Variants in PLEKHA6 observed in about 807,000 individuals in gnomAD.
PLEKHA6 encodes the protein pleckstrin homology domain containing A6.
In PLEKHA6, 60 loss-of-function variants were observed where a neutral mutation model predicts 116.7. The ratio of observed to expected loss-of-function variants is 0.51; its 90% CI spans 0.42 to 0.64. The LOEUF (loss-of-function observed/expected upper bound fraction) is 0.64. PLEKHA6 is among the 30% of genes least tolerant of loss of function. PLEKHA6 has a pLI of 0.00. For missense variants in PLEKHA6, 1,338 were observed against 1,422.7 expected, an observed-to-expected ratio of 0.94 and a Z score of 0.96; for synonymous variants, 489 against 556.1, an observed-to-expected ratio of 0.88 and a Z score of 1.70.
chr1:204,276,428 G>A lies in PLEKHA6; in HGVS notation c.-94-1619C>T, dbSNP rs143888197. ...TTGCAAGGAAGGGCAACTGTTTCCC[G>A]TTACTCTTGTCTGCCCCTAAATCTG... On this transcript the variant is annotated intron_variant, in intron 1 of 22. Transcript: ENST00000272203. Among the ~76,000 whole-genome samples, 11 of 152,244 alleles carry A rather than the reference G, an allele frequency of 7.2e-5. No homozygotes were observed. In the East Asian group the frequency reaches 1.9e-3, roughly 27 times the overall value.
intron 1 of PLEKHA6, among the ~76,000 whole-genome samples, chr1:204,303,806 T>A (rs1190302129): frequency 2.0e-5 from 3 of 152,164 alleles, no homozygotes; most frequent in African/African-American, 7.2e-5. Context: ...CTCTGCCTCC[T>A]TGGCTCAAGC....
chr1:204,274,832 G>A (rs940218437), intron 1 of PLEKHA6, 23 bp from the exon 2 acceptor site: 1 of 985,804 alleles, frequency 1.0e-6, no homozygotes, highest in African/African-American at 1.7e-5. Flanking sequence ...AAACAGAAGA[G>A]TTGTGGTAAA....
chr1:204,353,423 T>C lies in PLEKHA6; in HGVS notation c.-95+6271A>G, dbSNP rs555631166. On this transcript the variant is annotated intron_variant, in intron 1 of 22. Transcript: ENST00000272203. ...ACCAACATTTGTTGAGCACCTACTA[T>C]GTGCTAAGTACTGCCCTGTAATCAC... 2.5e-3 allele frequency among the ~76,000 whole-genome samples: 379 copies of C among 152,298 alleles called. 5 individuals carry two copies. The highest frequency in any genetic ancestry group is 8.8e-3 in the African/African-American group (364 of 41,554).
chr1:204,322,266 A>G (rs1013125945), intron 1 of PLEKHA6, among the ~76,000 whole-genome samples: 3 of 152,104 alleles, frequency 2.0e-5, no homozygotes, highest in African/African-American at 7.2e-5. Context: ...CCAATTTAAC[A>G]CACTAACAAT....
Position 204,257,908 on chromosome 1 carries a change from C to T in PLEKHA6, c.1008-39G>A, listed in dbSNP as rs368608904. On this transcript the variant is annotated intron_variant, in intron 8 of 22. Coordinates refer to ENST00000272203, the MANE Select transcript of PLEKHA6 (RefSeq NM_014935.5). This position sits in a 1 kb window ranked among gnomAD's most constrained non-coding sequence, Gnocchi z 6.5. Reference sequence around the variant, plus strand: ...GACATTGTAATGAAGGCAGACAACACGGGCACCCCTCCACCCACCCCAGCC... The same window carrying T: ...GACATTGTAATGAAGGCAGACAACATGGGCACCCCTCCACCCACCCCAGCC... 2.5e-5 allele frequency: 39 copies of T among 1,561,578 alleles called. No homozygotes were observed. Among genetic ancestry groups the T allele is most frequent in the African/African-American group, 2.2e-4 (16 of 74,044 alleles).
At chr1:204,243,615 T>G (rs1428416089) in intron 15 of PLEKHA6, among the ~76,000 whole-genome samples, 1 of 152,110 alleles carries the variant, frequency 6.6e-6, no homozygotes, top group African/African-American at 2.4e-5. Flanking sequence ...CTTGTTCCTC[T>G]CCCTGTCTTG....
In PLEKHA6 at chr1:204,337,850, C is replaced by T. The variant is rs896838666; in HGVS notation, c.-95+21844G>A. ...CACCCAAAGATGAGGAGGGCAAACCCGTCAACTGCGTTGCCAGCCATAAAG... is the reference window on the plus strand; with the variant it reads ...CACCCAAAGATGAGGAGGGCAAACCTGTCAACTGCGTTGCCAGCCATAAAG... On this transcript the variant is annotated intron_variant, in intron 1 of 22. Transcript: ENST00000272203. Among the ~76,000 whole-genome samples the T allele has an allele frequency of 8.5e-5, 13 of 152,308 alleles. No individual in the cohort carries two copies. The South Asian group carries it at 1.0e-3, about 12-fold the overall frequency.
intron 1 of PLEKHA6, chr1:204,276,904 C>T (rs1668070516): frequency 2.0e-5 from 3 of 152,690 alleles, no homozygotes; most frequent in Admixed American, 2.0e-4. Context: ...GCAGACCCCT[C>T]ACTCTGAAGC....
chr1:204,302,441 C>T (rs1177710801), intron 1 of PLEKHA6, among the ~76,000 whole-genome samples: 1 of 152,238 alleles, frequency 6.6e-6, no homozygotes, highest in East Asian at 1.9e-4. Flanking sequence ...TTGAACATCT[C>T]AGAAGAGATT....
At chr1:204,349,718 C>T (rs942769792) in intron 1 of PLEKHA6, among the ~76,000 whole-genome samples, 1 of 152,110 alleles carries the variant, frequency 6.6e-6, no homozygotes, top group African/African-American at 2.4e-5. Context: ...TTCTCAGTCT[C>T]GTTGACTTCA....
intron 10 of PLEKHA6, among the ~76,000 whole-genome samples, chr1:204,249,486 G>A (rs1276998097): frequency 6.6e-6 from 1 of 152,086 alleles, no homozygotes; most frequent in Non-Finnish European, 1.5e-5. Context: ...GAAGTGAGTT[G>A]GGTTAAGAGG....
At chr1:204,227,238 T>G (rs766312016) in intron 21 of PLEKHA6, among the ~76,000 whole-genome samples, 2 of 152,210 alleles carry the variant, frequency 1.3e-5, no homozygotes, top group African/African-American at 2.4e-5. Flanking sequence ...TGGCTCCCCC[T>G]TCTGAGTCAT....
At chr1:204,377,453 A>G (rs1308252780) in intron 1 of PLEKHA6, 1 of 152,110 alleles carries the variant, frequency 6.6e-6, no homozygotes, top group African/African-American at 2.4e-5. Context: ...TGATAAACTT[A>G]TTAGTCATGC....
chr1:204,233,109 G>T (rs1661422299), intron 17 of PLEKHA6, among the ~76,000 whole-genome samples: 1 of 151,698 alleles, frequency 6.6e-6, no homozygotes, highest in African/African-American at 2.4e-5. Context: ...GGCCAGGAAT[G>T]ACTTACTTAT....
intron 1 of PLEKHA6, among the ~76,000 whole-genome samples, chr1:204,318,581 G>A (rs1671946417): frequency 6.6e-6 from 1 of 152,148 alleles, no homozygotes; most frequent in Non-Finnish European, 1.5e-5. Flanking sequence ...CCATAAGTGT[G>A]GCCTCATAGG....
At chr1:204,250,054 C>T (rs1664321007) in intron 10 of PLEKHA6, among the ~76,000 whole-genome samples, 1 of 152,208 alleles carries the variant, frequency 6.6e-6, no homozygotes, top group African/African-American at 2.4e-5. Flanking sequence ...TATGGCTCCC[C>T]TTCACTACAT....
chr1:204,319,145 G>C (rs1310004944), intron 1 of PLEKHA6, among the ~76,000 whole-genome samples: 1 of 152,210 alleles, frequency 6.6e-6, no homozygotes, highest in African/African-American at 2.4e-5. Flanking sequence ...GGAAAGAGGA[G>C]AAAGAAGACG....
At chr1:204,262,849 G>T (rs1041492607) in intron 6 of PLEKHA6, among the ~76,000 whole-genome samples, 2 of 152,138 alleles carry the variant, frequency 1.3e-5, no homozygotes, top group African/African-American at 4.8e-5. Flanking sequence ...AGCCAGTGAA[G>T]ACTAAGAAGC....
chr1:204,282,623 G>A (rs1217269825), intron 1 of PLEKHA6: 1 of 983,010 alleles, frequency 1.0e-6, no homozygotes, highest in Non-Finnish European at 1.2e-6. Context: ...CCCGGGTACA[G>A]CCAGTCCTTA....
Sources: allele counts gnomAD v4.1 joint callset (sites outside exome capture counted in the v4.1 genomes callset), GRCh38; gene constraint gnomAD v4.1.1; non-coding constraint Gnocchi (gnomAD v3.1); transcripts MANE v1.5; gene names NCBI Gene and HGNC (gene_info 2026-07-23, HGNC 2026-07-21).